GRIK1: variants seen among roughly 807,000 people sequenced by gnomAD.
GRIK1 encodes the protein glutamate ionotropic receptor kainate type subunit 1.
In GRIK1, 69 loss-of-function variants were observed where a neutral mutation model predicts 105.7. The ratio of observed to expected loss-of-function variants is 0.65; its 90% CI spans 0.54 to 0.80. The LOEUF (loss-of-function observed/expected upper bound fraction) is 0.80. GRIK1 is among the 30% of genes least tolerant of loss of function. The pLI is 0.00. For synonymous variants in GRIK1, 438 were observed against 431.3 expected (o/e 1.02, Z -0.19); for missense variants, 1,109 against 1,167.3 (o/e 0.95, Z 0.73).
At chr21:29,732,629 C>A (rs1197742390) in intron 1 of GRIK1, among the ~76,000 whole-genome samples, 4 of 151,902 alleles carry the variant, frequency 2.6e-5, no homozygotes, top group Non-Finnish European at 5.9e-5. Context: ...ATTGACTTTA[C>A]CCCACGGATA....
At chr21:29,683,715 A>T (rs2063425727) in intron 3 of GRIK1, among the ~76,000 whole-genome samples, 1 of 152,168 alleles carries the variant, frequency 6.6e-6, no homozygotes, top group Non-Finnish European at 1.5e-5. Context: ...AAACCTCAAC[A>T]TCATGCAATA....
intron 5 of GRIK1, among the ~76,000 whole-genome samples, chr21:29,654,184 G>A (rs1359354796): frequency 1.3e-5 from 2 of 152,160 alleles, no homozygotes; most frequent in African/African-American, 4.8e-5. Context: ...TTGACTGAAT[G>A]AAAATTATCA....
At chr21:29,696,858 A>G (rs923215365) in intron 1 of GRIK1, among the ~76,000 whole-genome samples, 1 of 152,232 alleles carries the variant, frequency 6.6e-6, no homozygotes, top group Non-Finnish European at 1.5e-5. Flanking sequence ...AATAGGAAAC[A>G]GAAATTCTGA....
At chr21:29,801,345 C>G (rs2066706404) in intron 1 of GRIK1, among the ~76,000 whole-genome samples, 1 of 151,848 alleles carries the variant, frequency 6.6e-6, no homozygotes, top group African/African-American at 2.4e-5. Context: ...TTAAATTTAG[C>G]TGACACGGTC....
intron 1 of GRIK1, among the ~76,000 whole-genome samples, chr21:29,897,442 C>T (rs1735071): frequency 1.3e-5 from 2 of 151,984 alleles, no homozygotes; most frequent in Non-Finnish European, 2.9e-5. Context: ...AAATTGGTAG[C>T]GATCTTTCCT....
chr21:29,797,351 A>T (rs907627881), intron 1 of GRIK1, among the ~76,000 whole-genome samples: 2 of 152,204 alleles, frequency 1.3e-5, no homozygotes, highest in Non-Finnish European at 2.9e-5. Context: ...TCTGAGATGG[A>T]GGAGTTGTCA....
intron 1 of GRIK1, among the ~76,000 whole-genome samples, chr21:29,742,225 GA>G (rs1189720721): frequency 2.6e-5 from 4 of 151,782 alleles, no homozygotes; most frequent in Admixed American, 1.3e-4. Context: ...AAAGGAATCA[GA>G]AAAAAAAGCA....
At chr21:29,905,908 G>T (rs1348056802) in intron 1 of GRIK1, among the ~76,000 whole-genome samples, 1 of 151,970 alleles carries the variant, frequency 6.6e-6, no homozygotes, top group East Asian at 1.9e-4. Context: ...GATTACAGGC[G>T]TGAGCCACCG....
At chr21:29,667,002 A>G (rs189214527) in intron 4 of GRIK1, among the ~76,000 whole-genome samples, 3 of 152,352 alleles carry the variant, frequency 2.0e-5, no homozygotes, top group East Asian at 3.9e-4. Flanking sequence ...ATAAAAATTA[A>G]ATGACTGATG....
chr21:29,823,596 AGAAT>A (rs2145932982), intron 1 of GRIK1, among the ~76,000 whole-genome samples: 1 of 152,058 alleles, frequency 6.6e-6, no homozygotes, highest in South Asian at 2.1e-4. Context: ...AGTGGAGGAA[AGAAT>A]GTAGAAGGAG....
At chr21:29,537,619 A>T (rs1371042192) in intron 17 of GRIK1, 179 bp downstream of exon 17, 1 of 692,920 alleles carries the variant, frequency 1.4e-6, no homozygotes, top group Admixed American at 2.4e-5. Context: ...TCACAAATGC[A>T]GTAGTATAAA....
intron 1 of GRIK1, among the ~76,000 whole-genome samples, chr21:29,846,057 C>T (rs2068101937): frequency 6.6e-6 from 1 of 152,110 alleles, no homozygotes; most frequent in African/African-American, 2.4e-5. Flanking sequence ...CCTGGATCCT[C>T]CTCCCCACTG....
At chr21:29,878,617 A>T (rs2069280617) in intron 1 of GRIK1, among the ~76,000 whole-genome samples, 1 of 152,144 alleles carries the variant, frequency 6.6e-6, no homozygotes, top group Non-Finnish European at 1.5e-5. Context: ...TATTATTAGG[A>T]GGTGGGGTCT....
At chr21:29,933,810 G>C (rs2071654148) in intron 1 of GRIK1, among the ~76,000 whole-genome samples, 1 of 152,054 alleles carries the variant, frequency 6.6e-6, no homozygotes, top group Non-Finnish European at 1.5e-5. Flanking sequence ...AAGGCAGCTG[G>C]AAATATGAAT....
intron 1 of GRIK1, among the ~76,000 whole-genome samples, chr21:29,818,176 T>A (rs996150234): frequency 6.6e-6 from 1 of 152,056 alleles, no homozygotes; most frequent in Non-Finnish European, 1.5e-5. Context: ...TTCCATATAT[T>A]TCAACCATGT....
intron 1 of GRIK1, among the ~76,000 whole-genome samples, chr21:29,702,049 A>G (rs2063821941): frequency 6.6e-6 from 1 of 152,210 alleles, no homozygotes; most frequent in Non-Finnish European, 1.5e-5. Context: ...AGGAACAGAA[A>G]ACCAAAGACC....
chr21:29,835,530 A>G (rs991855364), intron 1 of GRIK1, among the ~76,000 whole-genome samples: 2 of 152,182 alleles, frequency 1.3e-5, no homozygotes, highest in African/African-American at 4.8e-5. Context: ...AGTTTGCTAG[A>G]GCCTCTGAAT....
intron 3 of GRIK1, among the ~76,000 whole-genome samples, chr21:29,675,285 T>A (rs2063243975): frequency 6.6e-6 from 1 of 152,154 alleles, no homozygotes; most frequent in Non-Finnish European, 1.5e-5. Context: ...GACTTGTTGA[T>A]GAGATGGGGA....
intron 7 of GRIK1, among the ~76,000 whole-genome samples, chr21:29,603,376 T>A (rs2061554882): frequency 1.3e-5 from 2 of 151,872 alleles, no homozygotes; most frequent in South Asian, 4.2e-4. Flanking sequence ...TAGTACCTAG[T>A]CTCTAGAGTT....
Sources: allele counts gnomAD v4.1 joint callset (sites outside exome capture counted in the v4.1 genomes callset), GRCh38; gene constraint gnomAD v4.1.1; transcripts MANE v1.5; gene names NCBI Gene and HGNC (gene_info 2026-07-23, HGNC 2026-07-21).